The following POLRMT variants were observed in gnomAD, a reference collection of about 807,000 sequenced individuals.
The protein encoded by POLRMT is RNA polymerase mitochondrial, also known as DNA-directed RNA polymerase, mitochondrial.
Under a neutral mutation model 132.2 loss-of-function variants are expected in POLRMT, and 114 were observed. That is an observed-to-expected ratio of 0.86 (90% CI 0.74 to 1.01). The LOEUF is 1.01. POLRMT is among the 50% of genes least tolerant of loss of function. POLRMT has a pLI of 0.00. For synonymous variants in POLRMT, 1,020 were observed against 773.4 expected, an observed-to-expected ratio of 1.32 and a Z score of -5.29; for missense variants, 2,003 against 1,729.1, an observed-to-expected ratio of 1.16 and a Z score of -2.81.
chr19:629,637 G>C lies in POLRMT; in HGVS notation c.725C>G (p.Ala242Gly), dbSNP rs1985260120. The C allele has an allele frequency of 6.2e-7, 1 of 1,610,068 alleles. No homozygotes were observed. The highest frequency in any genetic ancestry group is 1.3e-5 in the African/African-American group (1 of 74,806). The change falls in exon 3 of 21, where the codon GCC (alanine) becomes GGC (glycine). Residue 242 changes from alanine (A) to glycine (G), a missense_variant. Coordinates refer to ENST00000588649, the MANE Select transcript of POLRMT (RefSeq NM_005035.4). ...CCLLTDQLPL[A>G]HHLLVVHHGQ... ...GTGGTGGACGACCAGCAGGTGGTGG[G>C]CGAGGGGCAGCTGGTCAGTGAGCAG...
In POLRMT at chr19:624,705, C is replaced by T. The variant is rs1177308195; in HGVS notation, c.1140+14G>A. The T allele has an allele frequency of 1.2e-6, 2 of 1,608,006 alleles. No homozygotes were observed. The highest frequency in any genetic ancestry group is 1.3e-5 in the African/African-American group (1 of 74,818). ...TATAAGGACTGAAGTCTGCCGGGGCCCACGTGGGCTCACCTTGGCATACAC... is the reference window on the plus strand; with the variant it reads ...TATAAGGACTGAAGTCTGCCGGGGCTCACGTGGGCTCACCTTGGCATACAC... On this transcript the variant is annotated intron_variant, in intron 5 of 20. Coordinates refer to ENST00000588649, the MANE Select transcript of POLRMT (RefSeq NM_005035.4).
chr19:618,930 TG>T, intron 15 of POLRMT, 66 bp downstream of exon 15: 1 of 1,402,578 alleles, frequency 7.1e-7, no homozygotes, highest in South Asian at 1.3e-5. Context: ...GCTGGGGCAC[TG>T]GTACACTGGG....
intron 17 of POLRMT, 80 bp from the exon 18 acceptor site, chr19:617,929 G>A (rs1056616253): frequency 6.6e-6 from 9 of 1,358,090 alleles, no homozygotes; most frequent in Non-Finnish European, 8.3e-6. Context: ...CCTGCGCTCA[G>A]CCCCCTCCAC....
In POLRMT at chr19:629,942, C is replaced by T. The variant is rs1390830231; in HGVS notation, c.420G>A (p.Leu140=). The T allele has an allele frequency of 6.2e-7, 1 of 1,613,638 alleles. No homozygotes were observed. Among genetic ancestry groups the T allele is most frequent in the African/African-American group, 1.3e-5 (1 of 74,954 alleles). Residue 140 remains leucine, a synonymous_variant, in exon 3 of 21, where the codon TTG becomes TTA. Transcript: ENST00000588649. ...KRTQQMRMQR[L]KAKLQMPFQS... is the part of the protein sequence containing the mutation. ...GGAATGGCATCTGCAGCTTCGCCTT[C>T]AACCGCTGCATACGCATCTGCTGGG...
intron 17 of POLRMT, chr19:618,257 G>A (rs1208358889): frequency 1.6e-5 from 9 of 564,898 alleles, no homozygotes; most frequent in Admixed American, 3.2e-5. Flanking sequence ...CAGCAGGAAG[G>A]GGCAGCGCCC....
At chr19:617,347 G>A in intron 20 of POLRMT, 24 bp from the exon 21 acceptor site, 1 of 1,612,708 alleles carries the variant, frequency 6.2e-7, no homozygotes, top group Non-Finnish European at 8.5e-7. Flanking sequence ...AGAGCGGACG[G>A]CGTGGGTGGC....
intron 10 of POLRMT, 42 bp from the exon 11 acceptor site, chr19:620,529 A>C: frequency 6.7e-7 from 1 of 1,495,922 alleles, no homozygotes; most frequent in Admixed American, 2.3e-5. Flanking sequence ...CCCGGGCCCG[A>C]TCCCTGAGCC....
chr19:618,657 C>T, intron 16 of POLRMT, 48 bp downstream of exon 16: 2 of 1,602,806 alleles, frequency 1.2e-6, no homozygotes, highest in Non-Finnish European at 1.7e-6. Context: ...TCCACCGTGG[C>T]TGCTCTCCAG....
chr19:623,395 G>A, intron 6 of POLRMT, 59 bp downstream of exon 6: 1 of 1,589,752 alleles, frequency 6.3e-7, no homozygotes, highest in East Asian at 2.3e-5. Flanking sequence ...CCCGTGCGGT[G>A]GACACGCGAC....
chr19:618,653 G>C, intron 16 of POLRMT, 52 bp downstream of exon 16: 2 of 1,601,206 alleles, frequency 1.2e-6, no homozygotes, highest in South Asian at 2.2e-5. Flanking sequence ...TGTCTCCACC[G>C]TGGCTGCTCT....
chr19:622,627 C>T lies in POLRMT; in HGVS notation c.1581G>A (p.Gln527=). 1 of 1,607,200 alleles carries T rather than the reference C, an allele frequency of 6.2e-7. No homozygotes were observed. The highest frequency in any genetic ancestry group is 8.5e-7 in the Non-Finnish European group (1 of 1,178,328). ...AGCAGAGGTACTTCCTGTAGTGGTTCTGCAGCGCCTGCACCTGGCCACTGA... is the reference window on the plus strand; with the variant it reads ...AGCAGAGGTACTTCCTGTAGTGGTTTTGCAGCGCCTGCACCTGGCCACTGA... ...QRVSGQVQAL[Q]NHYRKYLCLL... is the part of the protein sequence containing the mutation. The change falls in exon 8 of 21, where the codon CAG becomes CAA. Residue 527 remains glutamine, a synonymous_variant. Coordinates refer to ENST00000588649, the MANE Select transcript of POLRMT (RefSeq NM_005035.4).
At chr19:624,589 G>A (rs545337609) in intron 5 of POLRMT, 130 bp downstream of exon 5, 3 of 1,046,588 alleles carry the variant, frequency 2.9e-6, no homozygotes, top group East Asian at 5.3e-5. Context: ...GAGGAGGAAG[G>A]GAGGAATTCA....
chr19:617,503 G>T (rs759456770), intron 19 of POLRMT, 23 bp from the exon 20 acceptor site: 3 of 1,605,856 alleles, frequency 1.9e-6, no homozygotes, highest in Non-Finnish European at 2.6e-6. Context: ...GCAGGGTGGG[G>T]TGAGGCTGAG....
rs1203470909 is a variant in POLRMT, at chr19:622,443, G to T, written c.1627-70C>A. On this transcript the variant is annotated intron_variant, in intron 8 of 20. Coordinates refer to ENST00000588649, the MANE Select transcript of POLRMT (RefSeq NM_005035.4). The stretch of plus-strand genomic sequence containing the variant: ...GCTAGATGCCCCACCGCCCGTGCCT[G>T]ACGCCCGGTGGGGCATCTGTCAGCC... The T allele has an allele frequency of 2.9e-5, 43 of 1,467,084 alleles. No individual in the cohort carries two copies. In the East Asian group the frequency reaches 3.7e-4, roughly 13 times the overall value. The allele number at this position is 1,467,084 out of a possible 1,614,324, so 90.9% of individuals were successfully genotyped here.
chr19:618,920 GCTGGGGCA>G, intron 15 of POLRMT, 69 bp downstream of exon 15: 1 of 1,371,446 alleles, frequency 7.3e-7, no homozygotes, highest in Non-Finnish European at 1.0e-6. Context: ...GTGGTGGTAC[GCTGGGGCA>G]CTGGTACACT....
rs568625416 is a variant in POLRMT, at chr19:617,342, G to A, written c.3644-19C>T. On this transcript the variant is annotated intron_variant, in intron 20 of 20. Transcript: ENST00000588649. ...AAGGCCCCTGCGGAGGAAGCAGAGC[G>A]GACGGCGTGGGTGGCGGGAAAGCCC... The A allele has an allele frequency of 2.9e-4, 473 of 1,612,746 alleles. 1 individual carries two copies. The East Asian group carries it at 5.5e-3, about 19-fold the overall frequency.
In POLRMT at chr19:622,385, G is replaced by A. The variant is rs773901317; in HGVS notation, c.1627-12C>T. ...CAGGGCTCGGGCACCTGTAGGACAG[G>A]GCGGTCAGGGCGCTGGGCACCGGGG... On this transcript the variant is annotated splice_polypyrimidine_tract_variant and intron_variant, in intron 8 of 20. Transcript: ENST00000588649. 6.5e-7 allele frequency: 1 copy of A among 1,536,916 alleles called. No homozygotes were observed. The highest frequency in any genetic ancestry group is 1.2e-5 in the South Asian group (1 of 83,782).
chr19:619,124 G>A lies in POLRMT; in HGVS notation c.3154-14C>T, dbSNP rs1163634184. ...GGTCAGCCAGTGCTGTGGGACACAG[G>A]CCGTCTCAGGGCAGGGGGCTCAGGC... On this transcript the variant is annotated splice_polypyrimidine_tract_variant and intron_variant, in intron 14 of 20. Transcript: ENST00000588649. 8.1e-6 allele frequency: 13 copies of A among 1,611,112 alleles called. No homozygotes were observed. Among genetic ancestry groups the A allele is most frequent in the African/African-American group, 4.0e-5 (3 of 74,706 alleles).
intron 2 of POLRMT, 32 bp from the exon 3 acceptor site, chr19:630,200 G>A (rs1477757227): frequency 6.5e-7 from 1 of 1,542,644 alleles, no homozygotes; most frequent in East Asian, 2.3e-5. Flanking sequence ...GACATGAGAG[G>A]GACCCCCTCC....
Sources: allele counts gnomAD v4.1 joint callset, GRCh38; gene constraint gnomAD v4.1.1; transcripts MANE v1.5; gene names NCBI Gene and HGNC (gene_info 2026-07-23, HGNC 2026-07-21).